The following ZC3H12C variants were observed in gnomAD, a reference collection of about 807,000 sequenced individuals.
The protein encoded by ZC3H12C is probable ribonuclease ZC3H12C.
Under a neutral mutation model 76.3 loss-of-function variants are expected in ZC3H12C, and 20 were observed. That is an observed-to-expected ratio of 0.26 (90% CI 0.18 to 0.38). ZC3H12C has a LOEUF of 0.38. Ranked by LOEUF, ZC3H12C falls within the 10% of genes least tolerant of loss-of-function variation. The pLI, the probability that ZC3H12C is intolerant of heterozygous loss-of-function variation, is 1.00. For missense variants in ZC3H12C, 874 were observed against 1,086.5 expected (o/e 0.80, Z 2.75); for synonymous variants, 352 against 399.6 (o/e 0.88, Z 1.42).
chr11:110,093,970 C>T (rs1047617733), intron 1 of ZC3H12C, among the ~76,000 whole-genome samples: 1 of 152,180 alleles, frequency 6.6e-6, no homozygotes, highest in Non-Finnish European at 1.5e-5. Context: ...TCACTCCCCC[C>T]TCGTCCCTCC....
chr11:110,102,890 T>C (rs578083596), intron 1 of ZC3H12C, among the ~76,000 whole-genome samples: 1 of 152,326 alleles, frequency 6.6e-6, no homozygotes, highest in African/African-American at 2.4e-5. Context: ...AGATAATCAT[T>C]AGAATTTTGT....
chr11:110,123,485 T>G (rs1182427042), intron 1 of ZC3H12C, among the ~76,000 whole-genome samples: 1 of 152,184 alleles, frequency 6.6e-6, no homozygotes, highest in Non-Finnish European at 1.5e-5. Flanking sequence ...AGGAATGTTG[T>G]TTTTGTGGAT....
chr11:110,149,864 C>T lies in ZC3H12C; in HGVS notation c.774-3055C>T, dbSNP rs191988686. ...ATTATGGAGTCTTTTGTATAAAGAACTTTCATGTGCTCCAATATGTCTATT... is the reference window on the plus strand; with the variant it reads ...ATTATGGAGTCTTTTGTATAAAGAATTTTCATGTGCTCCAATATGTCTATT... On this transcript the variant is annotated intron_variant, in intron 2 of 5. Transcript: ENST00000278590. Among the ~76,000 whole-genome samples, 46 of 152,170 alleles carry T rather than the reference C, an allele frequency of 3.0e-4. 1 individual carries two copies. In the South Asian group the frequency reaches 4.8e-3, roughly 16 times the overall value.
Position 110,119,392 on chromosome 11 carries a change from C to T in ZC3H12C, c.22-17271C>T, listed in dbSNP as rs112156078. 3.5e-3 allele frequency among the ~76,000 whole-genome samples: 209 copies of T among 60,566 alleles called. 4 individuals are homozygous for T. In the African/African-American group the frequency reaches 0.04, roughly 12 times the overall value. 39.7% of individuals were successfully genotyped at this position (60,566 alleles called of 152,430 possible). On this transcript the variant is annotated intron_variant, in intron 1 of 5. Transcript: ENST00000278590. Reference sequence around the variant, plus strand: ...GTGGAATCTCAGACTCCATTCCAGACATCCTTCAATCAGAACCTTCAAGAC... The same window carrying T: ...GTGGAATCTCAGACTCCATTCCAGATATCCTTCAATCAGAACCTTCAAGAC...
At chr11:110,162,447 C>A (rs551042479) in intron 4 of ZC3H12C, among the ~76,000 whole-genome samples, 21 of 152,298 alleles carry the variant, frequency 1.4e-4, no homozygotes, top group African/African-American at 5.1e-4. Context: ...ATACATTATT[C>A]CCATTATTCA....
chr11:110,121,534 C>T (rs1391443091), intron 1 of ZC3H12C, among the ~76,000 whole-genome samples: 2 of 152,140 alleles, frequency 1.3e-5, no homozygotes, highest in East Asian at 3.8e-4. Context: ...GTATAGAACT[C>T]TAAAGAAAAG....
chr11:110,123,205 C>T lies in ZC3H12C; in HGVS notation c.22-13458C>T, dbSNP rs558998851. Among the ~76,000 whole-genome samples, 4 of 152,344 alleles carry T rather than the reference C, an allele frequency of 2.6e-5. No homozygotes were observed. The South Asian group carries it at 8.3e-4, about 32-fold the overall frequency. ...GACTCATGAGTTTTCTCTTCCCATA[C>T]ACTAGCTGCCTCAGAACCTATTACA... On this transcript the variant is annotated intron_variant, in intron 1 of 5. Transcript: ENST00000278590.
At position 110,163,374 on chromosome 11, in the gene ZC3H12C, C is replaced by T. The variant is rs1385333870; in HGVS notation, c.1250C>T (p.Pro417Leu). Residue 417 changes from proline to leucine, a missense_variant, in exon 5 of 6, where the codon CCA (proline) becomes CTA (leucine). Physicochemically the swap from Pro to Leu is moderately conservative, Grantham distance 98 (BLOSUM62 -3). Transcript: ENST00000278590. The stretch of plus-strand genomic sequence containing the variant: ...CCTGAACACAAAAAGCAGCCTTGTC[C>T]ATATGGTAACTTGCTTTGTGAATAT... ...IVPEHKKQPC[P>L]YGKKCTYGHK... is the part of the protein sequence containing the mutation. 2 of 1,610,260 alleles carry T rather than the reference C, an allele frequency of 1.2e-6. No individual in the cohort carries two copies. Among genetic ancestry groups the T allele is most frequent in the South Asian group, 2.2e-5 (2 of 89,928 alleles).
At chr11:110,160,644 C>T (rs2134198554) in intron 4 of ZC3H12C, among the ~76,000 whole-genome samples, 1 of 152,246 alleles carries the variant, frequency 6.6e-6, no homozygotes, top group East Asian at 1.9e-4. Context: ...TCTCCAGGGG[C>T]AGTACTATGC....
chr11:110,169,355 TGTGTGTGTG>T lies in ZC3H12C; in HGVS notation c.*3619_*3627del. 6.6e-6 allele frequency: 1 copy of T among 150,498 alleles called. No individual in the cohort carries two copies. The highest frequency in any genetic ancestry group is 1.5e-5 in the Non-Finnish European group (1 of 67,818). 9.3% of individuals were successfully genotyped at this position (150,498 alleles called of 1,614,324 possible). A position where few individuals can be genotyped will look rare whatever the true frequency, so the allele number is the denominator to read the frequency against. Reference sequence around the variant, plus strand: ...ATGGCTCTGGGTGTGTGTGTGTGTGTGTGTGTGTGTGTGTGTGTGTGTGTGTTTTGAAAA... The same window carrying T: ...ATGGCTCTGGGTGTGTGTGTGTGTGTTGTGTGTGTGTGTGTGTTTTGAAAA... On this transcript the variant is annotated 3_prime_UTR_variant, in exon 6 of 6. Coordinates refer to ENST00000278590, the MANE Select transcript of ZC3H12C (RefSeq NM_033390.2).
At chr11:110,138,029 G>A (rs1307663442) in intron 2 of ZC3H12C, among the ~76,000 whole-genome samples, 5 of 151,946 alleles carry the variant, frequency 3.3e-5, no homozygotes, top group Non-Finnish European at 7.4e-5. Context: ...CAAGATGGAA[G>A]GATCATTTGA....
intron 1 of ZC3H12C, chr11:110,124,108 C>T (rs888968243): frequency 3.3e-5 from 5 of 152,326 alleles, no homozygotes; most frequent in South Asian, 4.1e-4. Flanking sequence ...GTGGAACTTC[C>T]GCAGTTGCAG....
At position 110,169,638 on chromosome 11, in the gene ZC3H12C, A is replaced by G. The variant is rs1369254791; in HGVS notation, c.*3901A>G. 6.6e-6 allele frequency: 1 copy of G among 152,208 alleles called. No homozygotes were observed. Among genetic ancestry groups the G allele is most frequent in the Non-Finnish European group, 1.5e-5 (1 of 68,030 alleles). The allele number at this position is 152,208 out of a possible 1,614,324, so 9.4% of individuals were successfully genotyped here. On this transcript the variant is annotated 3_prime_UTR_variant, in exon 6 of 6. Coordinates refer to ENST00000278590, the MANE Select transcript of ZC3H12C (RefSeq NM_033390.2). Reference sequence around the variant, plus strand: ...ATGTTCCAAATATATTAAAGATGTTAATTCAGCTAACAGTTAAGTTTCCAA... The same window carrying G: ...ATGTTCCAAATATATTAAAGATGTTGATTCAGCTAACAGTTAAGTTTCCAA...
At position 110,169,370 on chromosome 11, in the gene ZC3H12C, G is replaced by GTC. The variant is rs1197708744; in HGVS notation, c.*3634_*3635insCT. On this transcript the variant is annotated 3_prime_UTR_variant, in exon 6 of 6. Transcript: ENST00000278590. ...TGTGTGTGTGTGTGTGTGTGTGTGT[G>GTC]TGTGTGTGTGTTTTGAAAACTCTCA... 1 of 150,694 alleles carries GTC rather than the reference G, an allele frequency of 6.6e-6. No homozygotes were observed. Among genetic ancestry groups the GTC allele is most frequent in the Admixed American group, 6.6e-5 (1 of 15,072 alleles). The allele number at this position is 150,694 out of a possible 1,614,324, so 9.3% of individuals were successfully genotyped here.
At chr11:110,106,500 T>C (rs2134149268) in intron 1 of ZC3H12C, among the ~76,000 whole-genome samples, 1 of 152,364 alleles carries the variant, frequency 6.6e-6, no homozygotes, top group African/African-American at 2.4e-5. Context: ...GTATGTGATC[T>C]TGGGTAGGTT....
In ZC3H12C at chr11:110,115,029, A is replaced by G. The variant is rs575723137; in HGVS notation, c.21+21597A>G. On this transcript the variant is annotated intron_variant, in intron 1 of 5. Coordinates refer to ENST00000278590, the MANE Select transcript of ZC3H12C (RefSeq NM_033390.2). ...AAATTTGTCTATAGCCATTTATTTT[A>G]TAATAATTTTTCACTATCCACCATC... Among the ~76,000 whole-genome samples, 8 of 152,296 alleles carry G rather than the reference A, an allele frequency of 5.3e-5. No individual in the cohort carries two copies. The South Asian group carries it at 1.7e-3, about 32-fold the overall frequency.
At chr11:110,162,760 A>T (rs1862503245) in intron 4 of ZC3H12C, among the ~76,000 whole-genome samples, 1 of 152,224 alleles carries the variant, frequency 6.6e-6, no homozygotes, top group Non-Finnish European at 1.5e-5. Context: ...ATATCTGTAA[A>T]ATGGAGCTAA....
intron 1 of ZC3H12C, among the ~76,000 whole-genome samples, chr11:110,123,558 G>GACATAA (rs1565254510): frequency 1.3e-5 from 2 of 152,012 alleles, no homozygotes; most frequent in Non-Finnish European, 2.9e-5. Flanking sequence ...TGATGACATA[G>GACATAA]GACGGAAAGA....
At chr11:110,140,725 C>T (rs1370453601) in intron 2 of ZC3H12C, among the ~76,000 whole-genome samples, 4 of 152,106 alleles carry the variant, frequency 2.6e-5, no homozygotes, top group Non-Finnish European at 4.4e-5. Flanking sequence ...TTTGCATGTT[C>T]GTGTGGAGTA....
Sources: allele counts gnomAD v4.1 joint callset (sites outside exome capture counted in the v4.1 genomes callset), GRCh38; gene constraint gnomAD v4.1.1; transcripts MANE v1.5; gene names NCBI Gene and HGNC (gene_info 2026-07-23, HGNC 2026-07-21).